KASH5: variants seen among roughly 807,000 people sequenced by gnomAD.
The protein encoded by KASH5 is protein KASH5.
In KASH5, 72 loss-of-function variants were observed where a neutral mutation model predicts 84.2. The ratio of observed to expected loss-of-function variants is 0.85; its 90% CI spans 0.71 to 1.04. The LOEUF is 1.04. Ranked by LOEUF, KASH5 falls within the 50% of genes least tolerant of loss-of-function variation. The pLI is 0.00. For missense variants in KASH5, 650 were observed against 701.0 expected (o/e 0.93, Z 0.82); for synonymous variants, 260 against 279.1 (o/e 0.93, Z 0.68).
At chr19:49,410,510 GTCTCAC>G (rs1974676874) in intron 15 of KASH5, among the ~76,000 whole-genome samples, 1 of 144,900 alleles carries the variant, frequency 6.9e-6, no homozygotes, top group Non-Finnish European at 1.5e-5. Context: ...TTGAGATGGA[GTCTCAC>G]TCTGTCACCC....
chr19:49,414,861 C>T lies in KASH5; in HGVS notation c.1329-90C>T. On this transcript the variant is annotated intron_variant, in intron 16 of 19. Coordinates refer to ENST00000447857, the MANE Select transcript of KASH5 (RefSeq NM_144688.5). The surrounding 1 kb of genome is among the most constrained non-coding windows in gnomAD (Gnocchi z 4.5). ...TGCTGCCTGGCCTGTGCTAAGACCC[C>T]CTGCTCCAAGGCTTCTCTCCCAGCC... The T allele has an allele frequency of 6.7e-7, 1 of 1,502,702 alleles. No individual in the cohort carries two copies. The highest frequency in any genetic ancestry group is 9.1e-7 in the Non-Finnish European group (1 of 1,100,812). The allele number at this position is 1,502,702 out of a possible 1,614,324, so 93.1% of individuals were successfully genotyped here.
At chr19:49,407,773 C>T (rs1974579348) in intron 12 of KASH5, 102 bp downstream of exon 12, 2 of 1,133,740 alleles carry the variant, frequency 1.8e-6, no homozygotes, top group Non-Finnish European at 2.6e-6. Context: ...TGTCAGTGGC[C>T]ACATCTTGCT....
chr19:49,406,067 G>A (rs2122179307), intron 9 of KASH5, among the ~76,000 whole-genome samples: 1 of 149,246 alleles, frequency 6.7e-6, no homozygotes, highest in East Asian at 2.0e-4. Flanking sequence ...GGCAAAGATT[G>A]CAGTGAACCA....
chr19:49,417,639 C>A lies in KASH5; in HGVS notation c.*129C>A. On this transcript the variant is annotated 3_prime_UTR_variant, in exon 20 of 20. Coordinates refer to ENST00000447857, the MANE Select transcript of KASH5 (RefSeq NM_144688.5). The surrounding 1 kb of genome is among the most constrained non-coding windows in gnomAD (Gnocchi z 5.2). ...TAGATAGAGTACAGGGGATCCACAT[C>A]CCTGTATTTTTATGTGAAGTCTCCT... is the stretch of plus-strand genomic sequence containing the variant. 1 of 1,175,148 alleles carries A rather than the reference C, an allele frequency of 8.5e-7. No homozygotes were observed. Among genetic ancestry groups the A allele is most frequent in the East Asian group, 2.8e-5 (1 of 35,392 alleles). 72.8% of individuals were successfully genotyped at this position (1,175,148 alleles called of 1,614,324 possible). A position where few individuals can be genotyped will look rare whatever the true frequency, so the allele number is the denominator to read the frequency against.
Position 49,417,335 on chromosome 19 carries a change from C to G in KASH5, c.1548-34C>G, listed in dbSNP as rs768373881. ...TTGGGAAGAGCAGGGGCTGCCCAGA[C>G]CCTGCCCTAAATGCTCTCCCACCTC... On this transcript the variant is annotated intron_variant, in intron 19 of 19. Coordinates refer to ENST00000447857, the MANE Select transcript of KASH5 (RefSeq NM_144688.5). This position sits in a 1 kb window ranked among gnomAD's most constrained non-coding sequence, Gnocchi z 5.2. 13 of 1,562,138 alleles carry G rather than the reference C, an allele frequency of 8.3e-6. No individual in the cohort carries two copies. The highest frequency in any genetic ancestry group is 1.1e-5 in the Non-Finnish European group (13 of 1,152,386).
At chr19:49,391,148 C>T in intron 2 of KASH5, among the ~76,000 whole-genome samples, 1 of 152,182 alleles carries the variant, frequency 6.6e-6, no homozygotes, top group African/African-American at 2.4e-5. Context: ...GGAGGCTGGA[C>T]TGTGTGAGAG....
At chr19:49,413,113 A>T (rs917545064) in intron 16 of KASH5, 87 bp downstream of exon 16, 1 of 1,299,394 alleles carries the variant, frequency 7.7e-7, no homozygotes, top group Admixed American at 1.8e-5. Context: ...CCCTGAGGGG[A>T]TCGGCATTCA....
intron 9 of KASH5, among the ~76,000 whole-genome samples, chr19:49,402,713 A>C (rs1436852622): frequency 2.0e-5 from 3 of 152,130 alleles, no homozygotes; most frequent in Non-Finnish European, 1.5e-5. Flanking sequence ...TCTCAAAAAA[A>C]ATTTTTAAAA....
chr19:49,399,534 A>T lies in KASH5; in HGVS notation c.798+27A>T, dbSNP rs1245424227. 2 of 1,590,812 alleles carry T rather than the reference A, an allele frequency of 1.3e-6. No individual in the cohort carries two copies. The highest frequency in any genetic ancestry group is 4.5e-5 in the East Asian group (2 of 43,984). On this transcript the variant is annotated intron_variant, in intron 9 of 19. Transcript: ENST00000447857. This position sits in a 1 kb window ranked among gnomAD's most constrained non-coding sequence, Gnocchi z 4.4. The stretch of plus-strand genomic sequence containing the variant: ...TGAGCGGAGGCCCAGCACCACCCCC[A>T]CCCCTTCCCCAGTCCTTAAGGTCTT...
At position 49,399,016 on chromosome 19, in the gene KASH5, C is replaced by T. The variant is rs1444312787; in HGVS notation, c.630-9C>T. On this transcript the variant is annotated splice_polypyrimidine_tract_variant and intron_variant, in intron 7 of 19. Coordinates refer to ENST00000447857, the MANE Select transcript of KASH5 (RefSeq NM_144688.5). This position sits in a 1 kb window ranked among gnomAD's most constrained non-coding sequence, Gnocchi z 4.4. ...CTCGTATGGCTCATCTGCCCCCACC[C>T]GCATTCAGCACCCAGCAGGCCCTGC... 1.2e-5 allele frequency: 18 copies of T among 1,549,366 alleles called. No homozygotes were observed. Among genetic ancestry groups the T allele is most frequent in the East Asian group, 2.4e-5 (1 of 40,910 alleles).
At position 49,409,877 on chromosome 19, in the gene KASH5, T is replaced by C. The variant is rs751322097; in HGVS notation, c.1269+2T>C. The C allele has an allele frequency of 1.2e-6, 2 of 1,613,290 alleles. No individual in the cohort carries two copies. The highest frequency in any genetic ancestry group is 2.2e-5 in the South Asian group (2 of 91,054). ...TCTGAAGCCCCAGCTGGGGGACAGG[T>C]GAGCACAGGAAAAGCTCTGAAGTCC... On this transcript the variant is annotated splice_donor_variant, in intron 15 of 19. Transcript: ENST00000447857. LOFTEE classifies it high-confidence loss of function.
At position 49,394,484 on chromosome 19, in the gene KASH5, C is replaced by T. The variant is rs568754480; in HGVS notation, c.52C>T (p.Arg18Trp). 231 of 1,613,538 alleles carry T rather than the reference C, an allele frequency of 1.4e-4. 1 individual carries two copies. In the South Asian group the frequency reaches 2.3e-3, roughly 16 times the overall value. ...VGGPTAEMYL[R>W]ERPEEARLGM... ...CCCTCTTGTCTCCCCAGTGTACCTC[C>T]GGGAGCGGCCTGAGGAGGCAAGGCT... is the stretch of plus-strand genomic sequence containing the variant. The change falls in exon 3 of 20, where the codon CGG becomes TGG. Residue 18 changes from arginine to tryptophan, a missense_variant. Coordinates refer to ENST00000447857, the MANE Select transcript of KASH5 (RefSeq NM_144688.5).
intron 7 of KASH5, among the ~76,000 whole-genome samples, chr19:49,398,445 C>G (rs1974257415): frequency 6.6e-6 from 1 of 151,472 alleles, no homozygotes; most frequent in Non-Finnish European, 1.5e-5. Flanking sequence ...TCACAGCTCA[C>G]TGTACCCTCC....
In KASH5 at chr19:49,417,830, TC is replaced by T. The variant is rs1974960567; in HGVS notation, c.*323del. 11 of 300,564 alleles carry T rather than the reference TC, an allele frequency of 3.7e-5. No individual in the cohort carries two copies. The highest frequency in any genetic ancestry group is 6.1e-5 in the Non-Finnish European group (10 of 163,718). The allele number at this position is 300,564 out of a possible 1,614,324, so 18.6% of individuals were successfully genotyped here. A position where few individuals can be genotyped will look rare whatever the true frequency, so the allele number is the denominator to read the frequency against. On this transcript the variant is annotated 3_prime_UTR_variant, in exon 20 of 20. Transcript: ENST00000447857. The surrounding 1 kb of genome is among the most constrained non-coding windows in gnomAD (Gnocchi z 5.2). ...GGGCCTCAGTGATTCTCCTGTCCCC[TC>T]CCTCATGCTCAGGAGTTGGCAGTTG... is the stretch of plus-strand genomic sequence containing the variant.
intron 16 of KASH5, 110 bp downstream of exon 16, chr19:49,413,136 T>G (rs768365748): frequency 1.8e-4 from 189 of 1,078,732 alleles, no homozygotes; most frequent in Non-Finnish European, 2.5e-4. Context: ...CATTCACTCC[T>G]TCTTCATGTC....
intron 9 of KASH5, among the ~76,000 whole-genome samples, chr19:49,400,593 T>C (rs1974335534): frequency 1.3e-5 from 2 of 152,094 alleles, no homozygotes; most frequent in African/African-American, 2.4e-5. Flanking sequence ...TTTTCCATGT[T>C]GGTCAGGCTG....
At chr19:49,407,474 C>T (rs1387904658) in intron 11 of KASH5, 138 bp from the exon 12 acceptor site, 11 of 1,106,186 alleles carry the variant, frequency 9.9e-6, no homozygotes, top group Admixed American at 2.0e-5. Context: ...CCCTTCTGCC[C>T]GGTGCTCTCC....
At chr19:49,411,182 C>T (rs1384744523) in intron 15 of KASH5, among the ~76,000 whole-genome samples, 1 of 152,036 alleles carries the variant, frequency 6.6e-6, no homozygotes, top group East Asian at 1.9e-4. Flanking sequence ...AAGTGATCCG[C>T]CTACCTCAGT....
Position 49,417,184 on chromosome 19 carries a change from G to A in KASH5, c.1465G>A (p.Ala489Thr). The A allele has an allele frequency of 6.2e-7, 1 of 1,613,866 alleles. No individual in the cohort carries two copies. The highest frequency in any genetic ancestry group is 8.5e-7 in the Non-Finnish European group (1 of 1,179,832). Residue 489 changes from alanine to threonine, a missense_variant, in exon 19 of 20, where the codon GCC becomes ACC. Coordinates refer to ENST00000447857, the MANE Select transcript of KASH5 (RefSeq NM_144688.5). This position sits in a 1 kb window ranked among gnomAD's most constrained non-coding sequence, Gnocchi z 5.2. Reference sequence around the variant, plus strand: ...ACCTGCGCGGCGGGAACTCCAGCAAGCCCTGGTGCCTGTGATGAAAAAGCT... The same window carrying A: ...ACCTGCGCGGCGGGAACTCCAGCAAACCCTGGTGCCTGTGATGAAAAAGCT... ...ERPARRELQQ[A>T]LVPVMKKLVP...
Sources: gnomAD v4.1 joint callset for allele counts (sites outside exome capture counted in the v4.1 genomes callset) on GRCh38, gnomAD v4.1.1 for gene constraint, Gnocchi (gnomAD v3.1) non-coding constraint, MANE v1.5 for transcripts, NCBI Gene and HGNC (gene_info 2026-07-23, HGNC 2026-07-21) for gene names.